IGSF23: variants seen among roughly 807,000 people sequenced by gnomAD.
The protein encoded by IGSF23 is immunoglobulin superfamily member 23.
A neutral mutation model predicts 17.8 loss-of-function variants in IGSF23; 14 were observed. The observed-to-expected ratio is 0.79, with a 90% confidence interval of 0.52 to 1.23. The LOEUF is 1.23. Ranked by LOEUF, IGSF23 falls within the 50% of genes most tolerant of loss-of-function variation. The pLI is 0.00. For synonymous variants in IGSF23, 85 were observed against 92.5 expected (o/e 0.92, Z 0.46); for missense variants, 214 against 241.7 (o/e 0.89, Z 0.76).
In IGSF23 at chr19:44,613,609, T is replaced by TA. The variant is rs143337340; in HGVS notation, c.-37_-36insA. 0.077 allele frequency: 116,652 copies of TA among 1,512,940 alleles called. 5,109 individuals are homozygous for TA. Among genetic ancestry groups the TA allele is most frequent in the Non-Finnish European group, 0.087 (97,737 of 1,123,006 alleles). The allele number at this position is 1,512,940 out of a possible 1,614,324, so 93.7% of individuals were successfully genotyped here. A position where few individuals can be genotyped will look rare whatever the true frequency, so the allele number is the denominator to read the frequency against. ...TGATAGGAGCGGGCGATTCTGCTTC[T>TA]CCCTCCATCTCCCGGCGGGGATTGT... On this transcript the variant is annotated 5_prime_UTR_variant, in exon 1 of 5. Transcript: ENST00000402988.
chr19:44,626,999 C>T (rs1215336031), intron 2 of IGSF23, among the ~76,000 whole-genome samples: 1 of 151,346 alleles, frequency 6.6e-6, no homozygotes, highest in African/African-American at 2.4e-5. Flanking sequence ...ATGGACAGGC[C>T]TGGAGGCAAG....
At chr19:44,615,281 T>C (rs929743591) in intron 1 of IGSF23, among the ~76,000 whole-genome samples, 1 of 148,784 alleles carries the variant, frequency 6.7e-6, no homozygotes, top group African/African-American at 2.5e-5. Context: ...AGAGCACGAC[T>C]CCGTCTCAAA....
At chr19:44,615,482 G>A (rs951204072) in intron 1 of IGSF23, among the ~76,000 whole-genome samples, 3 of 151,838 alleles carry the variant, frequency 2.0e-5, no homozygotes, top group Non-Finnish European at 4.4e-5. Flanking sequence ...AATTAGCTGG[G>A]CGTGGTGGTG....
intron 3 of IGSF23, among the ~76,000 whole-genome samples, chr19:44,631,982 G>A (rs1205734210): frequency 2.0e-5 from 3 of 150,542 alleles, no homozygotes; most frequent in African/African-American, 5.0e-5. Context: ...CAGGTTTTGC[G>A]GGGGGGCCTG....
chr19:44,624,157 CTTCTTCT>C (rs1327565977), intron 2 of IGSF23, among the ~76,000 whole-genome samples, 185 bp downstream of exon 2: 1 of 152,048 alleles, frequency 6.6e-6, no homozygotes, highest in African/African-American at 2.4e-5. Context: ...AGGCCACTTT[CTTCTTCT>C]TTCTTCTTTC....
At chr19:44,621,538 G>C (rs1599733757) in intron 1 of IGSF23, among the ~76,000 whole-genome samples, 1 of 151,810 alleles carries the variant, frequency 6.6e-6, no homozygotes, top group East Asian at 1.9e-4. Context: ...TACTCTGGAG[G>C]AGACTTTGAG....
At chr19:44,619,825 C>T (rs115498560) in intron 1 of IGSF23, among the ~76,000 whole-genome samples, 52 of 152,254 alleles carry the variant, frequency 3.4e-4, no homozygotes, top group African/African-American at 9.4e-4. Context: ...TTAATCACCT[C>T]GTTAAAGACC....
At chr19:44,625,965 T>C (rs1295196280) in intron 2 of IGSF23, among the ~76,000 whole-genome samples, 4 of 152,206 alleles carry the variant, frequency 2.6e-5, no homozygotes, top group Non-Finnish European at 5.9e-5. Context: ...GCCATGATTG[T>C]GAGGCCTCCC....
intron 1 of IGSF23, among the ~76,000 whole-genome samples, chr19:44,615,720 C>G (rs902057491): frequency 6.6e-6 from 1 of 151,736 alleles, no homozygotes; most frequent in African/African-American, 2.4e-5. Context: ...AGGCAGGTGT[C>G]ACACTGGAAG....
intron 3 of IGSF23, among the ~76,000 whole-genome samples, chr19:44,631,194 G>A (rs1599743336): frequency 1.3e-5 from 2 of 152,322 alleles, no homozygotes; most frequent in African/African-American, 4.8e-5. Flanking sequence ...TTGAGTCTGG[G>A]AGTTCGAGGT....
chr19:44,622,134 T>G (rs1033520818), intron 1 of IGSF23, among the ~76,000 whole-genome samples: 5 of 151,324 alleles, frequency 3.3e-5, no homozygotes, highest in Admixed American at 6.6e-5. Context: ...GCAGGAGAAT[T>G]GCTTGAACCC....
intron 1 of IGSF23, among the ~76,000 whole-genome samples, chr19:44,619,241 C>T (rs985644151): frequency 2.0e-5 from 3 of 152,164 alleles, no homozygotes; most frequent in Non-Finnish European, 4.4e-5. Flanking sequence ...AGGGATCCGC[C>T]CCTGTGGCCC....
At chr19:44,625,505 A>G (rs190793572) in intron 2 of IGSF23, among the ~76,000 whole-genome samples, 192 of 152,188 alleles carry the variant, frequency 1.3e-3, no homozygotes, top group Non-Finnish European at 1.8e-3. Context: ...TGGGTAACTT[A>G]GCGCAAGTGA....
At chr19:44,618,648 G>A (rs1972442852) in intron 1 of IGSF23, among the ~76,000 whole-genome samples, 1 of 152,198 alleles carries the variant, frequency 6.6e-6, no homozygotes, top group Non-Finnish European at 1.5e-5. Flanking sequence ...CCTGGCCATG[G>A]ACCAGCTGGT....
At position 44,615,624 on chromosome 19, in the gene IGSF23, TA is replaced by T. The variant is rs759106852; in HGVS notation, c.125+1871del. On this transcript the variant is annotated intron_variant, in intron 1 of 4. Transcript: ENST00000402988. ...AGCAACAAGAGCGAAACTCCATCTT[TA>T]AAAAAAAAAAAAAAAAGTTCAGTTC... is the stretch of plus-strand genomic sequence containing the variant. 6.5e-3 allele frequency among the ~76,000 whole-genome samples: 868 copies of T among 133,464 alleles called. 2 individuals carry two copies. Among genetic ancestry groups the T allele is most frequent in the African/African-American group, 9.6e-3 (352 of 36,590 alleles). The allele number at this position is 133,464 out of a possible 152,430, so 87.6% of individuals were successfully genotyped here.
chr19:44,631,869 C>T (rs1972774553), intron 3 of IGSF23, among the ~76,000 whole-genome samples: 1 of 152,156 alleles, frequency 6.6e-6, no homozygotes. Flanking sequence ...GCCCTCATTC[C>T]AGTAAACCCA....
At chr19:44,621,900 T>C (rs62119263) in intron 1 of IGSF23, among the ~76,000 whole-genome samples, 24,899 of 152,112 alleles carry the variant, frequency 0.16, 2,169 homozygotes, top group Middle Eastern at 0.32. Context: ...AAGCCATGGA[T>C]TAACACGTGT....
rs1599735988 is a variant in IGSF23, at chr19:44,623,885, T to C, written c.304T>C (p.Ser102Pro). 4 of 1,550,828 alleles carry C rather than the reference T, an allele frequency of 2.6e-6. No homozygotes were observed. In the East Asian group the frequency reaches 9.8e-5, roughly 38 times the overall value. The change falls in exon 2 of 5, where the codon TCC becomes CCC. Residue 102 changes from serine (S) to proline (P), a missense_variant. Coordinates refer to ENST00000402988, the MANE Select transcript of IGSF23 (RefSeq NM_001205280.2). ...MGEKLFIRRL[S>P]CEQLGTYMCI... ...AGAGAAGCTGTTCATCCGACGGTTG[T>C]CCTGTGAGCAGCTGGGCACCTACAT...
At chr19:44,627,252 G>T (rs978481701) in intron 2 of IGSF23, among the ~76,000 whole-genome samples, 168 bp from the exon 3 acceptor site, 3 of 152,166 alleles carry the variant, frequency 2.0e-5, no homozygotes, top group African/African-American at 7.2e-5. Flanking sequence ...AGGTGGATGG[G>T]TGCTGGACTA....
Sources: gnomAD v4.1 joint callset for allele counts (sites outside exome capture counted in the v4.1 genomes callset) on GRCh38, gnomAD v4.1.1 for gene constraint, MANE v1.5 for transcripts, NCBI Gene and HGNC (gene_info 2026-07-23, HGNC 2026-07-21) for gene names.